TSHZ2: variants seen among roughly 807,000 people sequenced by gnomAD.
TSHZ2 encodes teashirt homolog 2.
A neutral mutation model predicts 74.4 loss-of-function variants in TSHZ2; 21 were observed. The ratio of observed to expected loss-of-function variants is 0.28; its 90% CI spans 0.20 to 0.41. The LOEUF (loss-of-function observed/expected upper bound fraction) is 0.41, where lower values mean the gene tolerates loss of function less well. TSHZ2 is among the 10% of genes least tolerant of loss of function. The pLI, the probability that TSHZ2 is intolerant of heterozygous loss-of-function variation, is 1.00. For missense variants in TSHZ2, 1,244 were observed against 1,293.5 expected, an observed-to-expected ratio of 0.96 and a Z score of 0.59; for synonymous variants, 540 against 515.3, an observed-to-expected ratio of 1.05 and a Z score of -0.65.
At chr20:53,144,078 A>G (rs1262451733) in intron 1 of TSHZ2, among the ~76,000 whole-genome samples, 1 of 152,220 alleles carries the variant, frequency 6.6e-6, no homozygotes, top group Non-Finnish European at 1.5e-5. Flanking sequence ...GAGCCAGTTT[A>G]TCCATCTGGG....
intron 2 of TSHZ2, among the ~76,000 whole-genome samples, chr20:53,388,616 T>C (rs1982138730): frequency 6.6e-6 from 1 of 150,604 alleles, no homozygotes; most frequent in South Asian, 2.1e-4. Context: ...TTTCTTGAGA[T>C]GGAGTCTTGC....
At chr20:53,017,817 T>C (rs1344380886) in intron 1 of TSHZ2, among the ~76,000 whole-genome samples, 2 of 152,198 alleles carry the variant, frequency 1.3e-5, no homozygotes, top group Admixed American at 6.5e-5. Flanking sequence ...CAGAAGTATC[T>C]TGTATAGTTT....
chr20:53,091,821 A>G (rs1476380849), intron 1 of TSHZ2, among the ~76,000 whole-genome samples: 1 of 152,178 alleles, frequency 6.6e-6, no homozygotes, highest in South Asian at 2.1e-4. Flanking sequence ...AGATTGGAGG[A>G]TCACTAGAAC....
In TSHZ2 at chr20:53,159,441, A is replaced by C. The variant is rs575830287; in HGVS notation, c.41-94058A>C. ...GAGTAGGTGCTACAGAGACCATGTG[A>C]CCCTCAAAGCCTGAAATATTTATTA... On this transcript the variant is annotated intron_variant, in intron 1 of 2. Coordinates refer to ENST00000371497, the MANE Select transcript of TSHZ2 (RefSeq NM_173485.6). Among the ~76,000 whole-genome samples the C allele has an allele frequency of 7.2e-5, 11 of 152,254 alleles. No individual in the cohort carries two copies. The Middle Eastern group carries it at 0.01, about 141-fold the overall frequency.
intron 2 of TSHZ2, among the ~76,000 whole-genome samples, chr20:53,297,776 G>A (rs1475396424): frequency 6.6e-6 from 1 of 152,110 alleles, no homozygotes; most frequent in Non-Finnish European, 1.5e-5. Context: ...CACTTCTAAG[G>A]CTGCTTGAGG....
intron 1 of TSHZ2, among the ~76,000 whole-genome samples, chr20:53,160,290 A>G (rs1332142632): frequency 6.6e-6 from 1 of 152,210 alleles, no homozygotes; most frequent in Non-Finnish European, 1.5e-5. Context: ...GTAGTTTTTT[A>G]TGGGATGATC....
intron 2 of TSHZ2, among the ~76,000 whole-genome samples, chr20:53,405,983 C>G (rs1982837673): frequency 6.6e-6 from 1 of 151,868 alleles, no homozygotes; most frequent in Non-Finnish European, 1.5e-5. Context: ...GGTGACAGAG[C>G]AAGACCCTGT....
chr20:52,998,221 T>C (rs998047791), intron 1 of TSHZ2, among the ~76,000 whole-genome samples: 1 of 152,200 alleles, frequency 6.6e-6, no homozygotes, highest in African/African-American at 2.4e-5. Context: ...CAGGCTGGCA[T>C]GCAATGGCGT....
intron 2 of TSHZ2, among the ~76,000 whole-genome samples, chr20:53,357,071 G>C (rs1980874273): frequency 6.6e-6 from 1 of 152,090 alleles, no homozygotes; most frequent in Non-Finnish European, 1.5e-5. Context: ...CAAAGGGACA[G>C]TTCTTCTGAA....
intron 1 of TSHZ2, among the ~76,000 whole-genome samples, chr20:53,207,961 A>C (rs1989212545): frequency 6.7e-6 from 1 of 150,040 alleles, no homozygotes; most frequent in Admixed American, 6.7e-5. Context: ...CTGCCTCCCA[A>C]AGTGCTGGGA....
intron 2 of TSHZ2, among the ~76,000 whole-genome samples, chr20:53,306,355 G>A (rs1978543500): frequency 6.6e-6 from 1 of 152,184 alleles, no homozygotes; most frequent in South Asian, 2.1e-4. Context: ...AAGTGAGGCT[G>A]TGAAAAACGT....
intron 2 of TSHZ2, among the ~76,000 whole-genome samples, chr20:53,355,903 C>G (rs757223492): frequency 1.3e-5 from 2 of 152,178 alleles, no homozygotes; most frequent in African/African-American, 2.4e-5. Flanking sequence ...GGAGAGAACA[C>G]TCCAGGCAGG....
At chr20:53,083,712 T>C (rs1568751278) in intron 1 of TSHZ2, among the ~76,000 whole-genome samples, 1 of 152,216 alleles carries the variant, frequency 6.6e-6, no homozygotes, top group African/African-American at 2.4e-5. Context: ...GGCATGACAG[T>C]AATATTTGCT....
At chr20:53,133,420 G>A (rs923162852) in intron 1 of TSHZ2, among the ~76,000 whole-genome samples, 4 of 152,090 alleles carry the variant, frequency 2.6e-5, no homozygotes, top group African/African-American at 9.7e-5. Context: ...TCCATTCCTC[G>A]TGGTCTGCCA....
At chr20:53,431,574 T>C (rs1983851495) in intron 2 of TSHZ2, among the ~76,000 whole-genome samples, 1 of 152,156 alleles carries the variant, frequency 6.6e-6, no homozygotes, top group Admixed American at 6.5e-5. Flanking sequence ...ACAGGTACTG[T>C]TTTAGGCTCT....
At chr20:53,112,652 A>G (rs1456417050) in intron 1 of TSHZ2, among the ~76,000 whole-genome samples, 1 of 152,094 alleles carries the variant, frequency 6.6e-6, no homozygotes, top group Non-Finnish European at 1.5e-5. Flanking sequence ...AGCAGGGGCT[A>G]CAGGTGTGCA....
At chr20:53,304,034 T>TTTATTATTA (rs200671444) in intron 2 of TSHZ2, among the ~76,000 whole-genome samples, 12 of 151,266 alleles carry the variant, frequency 7.9e-5, no homozygotes, top group African/African-American at 2.2e-4. Flanking sequence ...CAACAGATTC[T>TTTATTATTA]TTATTATTAT....
At chr20:53,156,596 C>G (rs1218626857) in intron 1 of TSHZ2, among the ~76,000 whole-genome samples, 1 of 152,134 alleles carries the variant, frequency 6.6e-6, no homozygotes, top group East Asian at 1.9e-4. Context: ...ACCCATCCAG[C>G]AAATGTCAGG....
At chr20:52,984,296 A>G (rs557990170) in intron 1 of TSHZ2, among the ~76,000 whole-genome samples, 48 of 152,300 alleles carry the variant, frequency 3.2e-4, no homozygotes, top group African/African-American at 1.1e-3. Context: ...AGGACAGACC[A>G]GGGACTAGCC....
Sources: allele counts gnomAD v4.1 joint callset (sites outside exome capture counted in the v4.1 genomes callset), GRCh38; gene constraint gnomAD v4.1.1; transcripts MANE v1.5; gene names NCBI Gene and HGNC (gene_info 2026-07-23, HGNC 2026-07-21).